The following ANTXR2 variants were observed in gnomAD, a reference collection of about 807,000 sequenced individuals.
ANTXR2 encodes ANTXR cell adhesion molecule 2.
ANTXR2 carries 44 observed loss-of-function variants against 73.7 expected under a neutral mutation model. The ratio of observed to expected loss-of-function variants is 0.60; its 90% CI spans 0.47 to 0.77. The LOEUF is 0.77. Ranked by LOEUF, ANTXR2 falls within the 30% of genes least tolerant of loss-of-function variation. The pLI is 0.00. For synonymous variants in ANTXR2, 217 were observed against 205.9 expected, an observed-to-expected ratio of 1.05 and a Z score of -0.46; for missense variants, 604 against 592.5, an observed-to-expected ratio of 1.02 and a Z score of -0.20.
At chr4:79,994,512 A>G (rs1489601650) in intron 12 of ANTXR2, among the ~76,000 whole-genome samples, 9 of 151,860 alleles carry the variant, frequency 5.9e-5, no homozygotes, top group Non-Finnish European at 8.8e-5. Context: ...CTTCAAATTT[A>G]CTCTTCTTAT....
chr4:79,996,147 C>T (rs1469204917), intron 12 of ANTXR2, among the ~76,000 whole-genome samples: 2 of 151,968 alleles, frequency 1.3e-5, no homozygotes, highest in African/African-American at 2.4e-5. Context: ...GGATTCAAAC[C>T]GAGGACCAAG....
At position 80,072,728 on chromosome 4, in the gene ANTXR2, G is replaced by A. The variant is rs528719450; in HGVS notation, c.-168C>T. On this transcript the variant is annotated 5_prime_UTR_variant, in exon 1 of 17. Transcript: ENST00000403729. ...ACCCACCAGCTGACAGGGAGGGAGA[G>A]AGGGAGGTCCTGAGAGGACAAAGGG... is the stretch of plus-strand genomic sequence containing the variant. The A allele has an allele frequency of 1.5e-6, 2 of 1,346,738 alleles. No individual in the cohort carries two copies. Among genetic ancestry groups the A allele is most frequent in the East Asian group, 3.1e-5 (1 of 32,366 alleles). 83.4% of individuals were successfully genotyped at this position (1,346,738 alleles called of 1,614,324 possible). A position where few individuals can be genotyped will look rare whatever the true frequency, so the allele number is the denominator to read the frequency against.
chr4:80,027,907 G>T (rs1269688924), intron 10 of ANTXR2, among the ~76,000 whole-genome samples: 1 of 152,074 alleles, frequency 6.6e-6, no homozygotes, highest in African/African-American at 2.4e-5. Flanking sequence ...CTGGATTAGG[G>T]AACATCCAAA....
chr4:79,964,643 C>CT (rs1729280980), intron 16 of ANTXR2: 1 of 152,304 alleles, frequency 6.6e-6, no homozygotes, highest in South Asian at 2.1e-4. Context: ...GGGAGCGCAG[C>CT]TGTGTCCACC....
At chr4:79,914,112 T>C (rs1289269260) in intron 16 of ANTXR2, among the ~76,000 whole-genome samples, 1 of 152,154 alleles carries the variant, frequency 6.6e-6, no homozygotes, top group Non-Finnish European at 1.5e-5. Flanking sequence ...AGGAGAATTA[T>C]CATTTTGGAA....
In ANTXR2 at chr4:80,067,829, G is replaced by A. The variant is rs185234489; in HGVS notation, c.296+1607C>T. On this transcript the variant is annotated intron_variant, in intron 3 of 16. Transcript: ENST00000403729. ...ACATGAACACAGGGAGGGGAACAAC[G>A]CACACTGGGGCCTGTGAGGGGTGCA... 1.8e-4 allele frequency among the ~76,000 whole-genome samples: 28 copies of A among 152,254 alleles called. No individual in the cohort carries two copies. In the East Asian group the frequency reaches 4.6e-3, roughly 25 times the overall value.
At chr4:80,039,001 A>T (rs1733109601) in intron 7 of ANTXR2, among the ~76,000 whole-genome samples, 1 of 152,104 alleles carries the variant, frequency 6.6e-6, no homozygotes, top group Non-Finnish European at 1.5e-5. Flanking sequence ...CTTCGGTACA[A>T]CCAATAAATG....
At chr4:80,016,015 G>A (rs905089798) in intron 11 of ANTXR2, among the ~76,000 whole-genome samples, 1 of 149,362 alleles carries the variant, frequency 6.7e-6, no homozygotes, top group East Asian at 1.9e-4. Flanking sequence ...GGGAGAGGTC[G>A]GTCCTGACAA....
At chr4:79,909,495 T>C (rs1313059593) in intron 16 of ANTXR2, among the ~76,000 whole-genome samples, 3 of 152,012 alleles carry the variant, frequency 2.0e-5, no homozygotes, top group Non-Finnish European at 4.4e-5. Flanking sequence ...CTAAATTATT[T>C]ATTTCATTTG....
intron 3 of ANTXR2, among the ~76,000 whole-genome samples, chr4:80,060,370 C>T (rs1160093496): frequency 2.0e-5 from 3 of 152,176 alleles, no homozygotes; most frequent in Non-Finnish European, 4.4e-5. Context: ...TTAAGAACCT[C>T]TGATCTAACC....
At chr4:80,001,775 G>A (rs913726071) in intron 12 of ANTXR2, among the ~76,000 whole-genome samples, 1 of 151,512 alleles carries the variant, frequency 6.6e-6, no homozygotes, top group African/African-American at 2.4e-5. Context: ...AGCTCTTCCT[G>A]TTGAATTGAT....
intron 12 of ANTXR2, among the ~76,000 whole-genome samples, chr4:80,002,747 G>A (rs1232116283): frequency 6.6e-6 from 1 of 151,876 alleles, no homozygotes; most frequent in Non-Finnish European, 1.5e-5. Flanking sequence ...AAAAGTGGGT[G>A]AAGGACATGA....
chr4:79,956,652 G>A (rs1384808706), intron 16 of ANTXR2, among the ~76,000 whole-genome samples: 1 of 152,032 alleles, frequency 6.6e-6, no homozygotes, highest in African/African-American at 2.4e-5. Context: ...TCGGAGTTCT[G>A]ACCCTTCTCT....
At chr4:80,041,790 A>C (rs1733275721) in intron 7 of ANTXR2, among the ~76,000 whole-genome samples, 1 of 152,082 alleles carries the variant, frequency 6.6e-6, no homozygotes, top group Non-Finnish European at 1.5e-5. Flanking sequence ...CTTGCAAAGG[A>C]CATGATCTCA....
Position 79,907,401 on chromosome 4 carries a change from G to T in ANTXR2, c.*28C>A, listed in dbSNP as rs61048419. On this transcript the variant is annotated 3_prime_UTR_variant, in exon 17 of 17. Transcript: ENST00000403729. ...AGCTATGTGAAAATGTGCCATCTTC[G>T]TACCTTCTTGGTCTTCCTGCTTCCC... 1.2e-6 allele frequency: 2 copies of T among 1,607,048 alleles called. No homozygotes were observed. The highest frequency in any genetic ancestry group is 1.7e-6 in the Non-Finnish European group (2 of 1,175,186).
chr4:80,042,904 G>T (rs558895639), intron 7 of ANTXR2, among the ~76,000 whole-genome samples: 1 of 151,892 alleles, frequency 6.6e-6, no homozygotes, highest in Non-Finnish European at 1.5e-5. Flanking sequence ...CTTTTTAACC[G>T]ATGGTTGTTC....
intron 16 of ANTXR2, among the ~76,000 whole-genome samples, chr4:79,926,897 A>ATACACGTGTGCATATATGTGTATATC (rs1196969651): frequency 8.6e-5 from 13 of 152,034 alleles, no homozygotes; most frequent in African/African-American, 2.9e-4. Flanking sequence ...ATGTGTGTAT[A>ATACACGTGTGCATATATGTGTATATC]TACACATGTG....
chr4:79,948,935 T>C (rs1728606541), intron 16 of ANTXR2, among the ~76,000 whole-genome samples: 1 of 152,206 alleles, frequency 6.6e-6, no homozygotes, highest in African/African-American at 2.4e-5. Flanking sequence ...TCATCATTTC[T>C]TTGAGTCAGC....
At chr4:79,911,954 T>C (rs867577532) in intron 16 of ANTXR2, among the ~76,000 whole-genome samples, 17 of 151,920 alleles carry the variant, frequency 1.1e-4, no homozygotes, top group African/African-American at 2.2e-4. Flanking sequence ...TTATAAATCA[T>C]TGAATCATAA....
Sources: gnomAD v4.1 joint callset for allele counts (sites outside exome capture counted in the v4.1 genomes callset) on GRCh38, gnomAD v4.1.1 for gene constraint, MANE v1.5 for transcripts, NCBI Gene and HGNC (gene_info 2026-07-23, HGNC 2026-07-21) for gene names.